The following IGF1R variants were observed in gnomAD, a reference collection of about 807,000 sequenced individuals.
The protein encoded by IGF1R is insulin-like growth factor 1 receptor.
Under a neutral mutation model 144.6 loss-of-function variants are expected in IGF1R, and 44 were observed. That is an observed-to-expected ratio of 0.30 (90% confidence interval 0.24 to 0.39). The LOEUF (loss-of-function observed/expected upper bound fraction) is 0.39, where lower values mean the gene tolerates loss of function less well. Among genes scored for constraint, IGF1R ranks in the 10% least tolerant of loss-of-function variants. The pLI is 1.00. For missense variants in IGF1R, 1,355 were observed against 1,833.7 expected (o/e 0.74, Z 4.77); for synonymous variants, 795 against 722.8 (o/e 1.10, Z -1.60).
chr15:98,786,395 A>G (rs986320975), intron 2 of IGF1R, among the ~76,000 whole-genome samples: 1 of 151,898 alleles, frequency 6.6e-6, no homozygotes, highest in African/African-American at 2.4e-5. Context: ...TTTTTATTAA[A>G]CAAAGAAGAA....
At chr15:98,874,023 C>T (rs1029326750) in intron 2 of IGF1R, among the ~76,000 whole-genome samples, 6 of 152,070 alleles carry the variant, frequency 3.9e-5, no homozygotes, top group Non-Finnish European at 5.9e-5. Flanking sequence ...AAGAGCCCTG[C>T]GGCGCTTCCT....
intron 1 of IGF1R, among the ~76,000 whole-genome samples, chr15:98,650,217 G>C (rs1013314871): frequency 3.3e-5 from 5 of 152,160 alleles, no homozygotes; most frequent in East Asian, 1.9e-4. Flanking sequence ...CCTGCGGAGA[G>C]GCCCCGAAGC....
chr15:98,911,683 G>A, intron 7 of IGF1R, among the ~76,000 whole-genome samples: 1 of 152,174 alleles, frequency 6.6e-6, no homozygotes, highest in Non-Finnish European at 1.5e-5. Context: ...ATTCTTTAGT[G>A]AGTGATTAGA....
intron 2 of IGF1R, among the ~76,000 whole-genome samples, chr15:98,850,422 C>T (rs1258350567): frequency 6.6e-6 from 1 of 152,092 alleles, no homozygotes; most frequent in Admixed American, 6.5e-5. Flanking sequence ...GTTCTGCAGA[C>T]ACCTGGGGGG....
chr15:98,781,298 A>G (rs2055855645), intron 2 of IGF1R, among the ~76,000 whole-genome samples: 1 of 152,190 alleles, frequency 6.6e-6, no homozygotes, highest in Non-Finnish European at 1.5e-5. Flanking sequence ...TTGAAGCTTT[A>G]ATAGTGAGGC....
intron 2 of IGF1R, among the ~76,000 whole-genome samples, chr15:98,801,971 T>C (rs546838010): frequency 6.6e-6 from 1 of 152,260 alleles, no homozygotes; most frequent in South Asian, 2.1e-4. Context: ...AGCAAGGGCA[T>C]AGGTACCTGC....
chr15:98,851,183 G>A (rs2011514219), intron 2 of IGF1R, among the ~76,000 whole-genome samples: 2 of 152,164 alleles, frequency 1.3e-5, no homozygotes, highest in African/African-American at 4.8e-5. Context: ...AGGGACCTGC[G>A]ACAGGAACAC....
chr15:98,683,471 C>T (rs2141217870), intron 1 of IGF1R, among the ~76,000 whole-genome samples: 1 of 152,314 alleles, frequency 6.6e-6, no homozygotes, highest in Non-Finnish European at 1.5e-5. Flanking sequence ...GGGACTTTTG[C>T]TTGTGTGGGC....
In IGF1R at chr15:98,964,410, T is replaced by C. The variant is rs1276345655; in HGVS notation, c.*6968T>C. 1 of 229,766 alleles carries C rather than the reference T, an allele frequency of 4.4e-6. No individual in the cohort carries two copies. Among genetic ancestry groups the C allele is most frequent in the Admixed American group, 5.7e-5 (1 of 17,680 alleles). 14.2% of individuals were successfully genotyped at this position (229,766 alleles called of 1,614,324 possible). A position where few individuals can be genotyped will look rare whatever the true frequency, so the allele number is the denominator to read the frequency against. ...GATATACTCTGGATTCTTTACATAA[T>C]GGAAAAAAGAAACTGTCTATTTTGA... On this transcript the variant is annotated 3_prime_UTR_variant, in exon 21 of 21. Coordinates refer to ENST00000650285, the MANE Select transcript of IGF1R (RefSeq NM_000875.5).
chr15:98,896,647 T>C (rs1208578428), intron 3 of IGF1R, 110 bp from the exon 4 acceptor site: 2 of 1,176,450 alleles, frequency 1.7e-6, no homozygotes, highest in South Asian at 2.7e-5. Context: ...CAGTTGCTTT[T>C]TCTAATGCAT....
chr15:98,830,603 A>ACCTTTTTTTTTTTTTTTTTTTTTTTT (rs949484748), intron 2 of IGF1R, among the ~76,000 whole-genome samples: 1 of 133,722 alleles, frequency 7.5e-6, no homozygotes, highest in African/African-American at 3.3e-5. Flanking sequence ...TCTGATCATC[A>ACCTTTTTTTTTTTTTTTTTTTTTTTT]TCTTTTTTTT....
intron 1 of IGF1R, among the ~76,000 whole-genome samples, chr15:98,687,875 C>T (rs979017240): frequency 4.1e-5 from 6 of 147,052 alleles, no homozygotes; most frequent in African/African-American, 1.6e-4. Context: ...AGTGGAAGGC[C>T]GAAGTTACTT....
intron 1 of IGF1R, among the ~76,000 whole-genome samples, chr15:98,703,453 T>TC (rs2053785632): frequency 6.6e-6 from 1 of 152,224 alleles, no homozygotes; most frequent in African/African-American, 2.4e-5. Flanking sequence ...GTTTTCTTTT[T>TC]CACTGTTTCT....
chr15:98,784,097 C>A (rs1167590857), intron 2 of IGF1R, among the ~76,000 whole-genome samples: 1 of 149,266 alleles, frequency 6.7e-6, no homozygotes, highest in African/African-American at 2.5e-5. Flanking sequence ...GCCTCAGCCT[C>A]CCAAGTAGCT....
chr15:98,941,890 A>C (rs568009357), intron 18 of IGF1R, among the ~76,000 whole-genome samples: 1 of 152,330 alleles, frequency 6.6e-6, no homozygotes, highest in East Asian at 1.9e-4. Flanking sequence ...ACTTAAGAAA[A>C]GGTTGTATGA....
At chr15:98,681,283 G>T (rs76327415) in intron 1 of IGF1R, among the ~76,000 whole-genome samples, 3,382 of 152,196 alleles carry the variant, frequency 0.022, 63 homozygotes, top group Non-Finnish European at 0.034. Flanking sequence ...ACCTTGTTTC[G>T]CATGTCTACC....
At position 98,960,051 on chromosome 15, in the gene IGF1R, A is replaced by C. The variant is rs1431657844; in HGVS notation, c.*2609A>C. The C allele has an allele frequency of 4.3e-6, 1 of 232,978 alleles. No individual in the cohort carries two copies. The highest frequency in any genetic ancestry group is 2.2e-5 in the African/African-American group (1 of 45,268). 14.4% of individuals were successfully genotyped at this position (232,978 alleles called of 1,614,324 possible). A position where few individuals can be genotyped will look rare whatever the true frequency, so the allele number is the denominator to read the frequency against. ...TGATTTTTTGGGTTTTTTTTCCCCC[A>C]AACATTTATCTACCTCACTCTTATT... On this transcript the variant is annotated 3_prime_UTR_variant, in exon 21 of 21. Coordinates refer to ENST00000650285, the MANE Select transcript of IGF1R (RefSeq NM_000875.5).
rs1058696 is a variant in IGF1R, at chr15:98,959,298, C to T, written c.*1856C>T. 0.05 allele frequency: 11,674 copies of T among 233,598 alleles called. 374 individuals are homozygous for T. Among genetic ancestry groups the T allele is most frequent in the Admixed American group, 0.082 (1,464 of 17,802 alleles). The allele number at this position is 233,598 out of a possible 1,614,324, so 14.5% of individuals were successfully genotyped here. ...CTTAATGGCTATTTAATCCTTCCATCCCACGAAAAACAGCTGCTGAGTCCA... is the reference window on the plus strand; with the variant it reads ...CTTAATGGCTATTTAATCCTTCCATTCCACGAAAAACAGCTGCTGAGTCCA... On this transcript the variant is annotated 3_prime_UTR_variant, in exon 21 of 21. Transcript: ENST00000650285.
chr15:98,860,078 G>T (rs1452727076), intron 2 of IGF1R, among the ~76,000 whole-genome samples: 3 of 152,200 alleles, frequency 2.0e-5, no homozygotes, highest in African/African-American at 7.2e-5. Context: ...ACCATACCTG[G>T]CTAATTTTTG....
Sources: allele counts gnomAD v4.1 joint callset (sites outside exome capture counted in the v4.1 genomes callset), GRCh38; gene constraint gnomAD v4.1.1; transcripts MANE v1.5; gene names NCBI Gene and HGNC (gene_info 2026-07-23, HGNC 2026-07-21).